CSGALNACT1: variants seen among roughly 807,000 people sequenced by gnomAD.
CSGALNACT1 encodes the protein beta4GalNAcT-1.
In CSGALNACT1, 52 loss-of-function variants were observed where a neutral mutation model predicts 51.0. The observed-to-expected ratio is 1.02, with a 90% CI of 0.82 to 1.29. CSGALNACT1 has a LOEUF of 1.29. Among genes scored for constraint, CSGALNACT1 ranks in the 50% most tolerant of loss-of-function variants. The probability of loss-of-function intolerance (pLI) is 0.00; values close to 1 mark genes in which losing one functional copy is unlikely to be tolerated. For missense variants in CSGALNACT1, 935 were observed against 679.2 expected (o/e 1.38, Z -4.19); for synonymous variants, 341 against 254.4 (o/e 1.34, Z -3.24).
intron 1 of CSGALNACT1, among the ~76,000 whole-genome samples, chr8:19,752,195 A>ATAAGT (rs1199145987): frequency 6.7e-6 from 1 of 148,410 alleles, no homozygotes; most frequent in African/African-American, 2.4e-5. Context: ...TATAATATAT[A>ATAAGT]CTATATATCT....
intron 3 of CSGALNACT1, among the ~76,000 whole-genome samples, chr8:19,546,885 G>C (rs926848566): frequency 6.6e-6 from 1 of 152,144 alleles, no homozygotes; most frequent in Non-Finnish European, 1.5e-5. Context: ...TAAGGTTCAG[G>C]GTGCAGAATG....
chr8:19,490,633 T>C (rs549962783), intron 4 of CSGALNACT1, among the ~76,000 whole-genome samples: 1 of 152,268 alleles, frequency 6.6e-6, no homozygotes, highest in African/African-American at 2.4e-5. Flanking sequence ...GCTGATTGGT[T>C]CTCTCCAGCT....
At chr8:19,420,776 C>G (rs533586815) in intron 6 of CSGALNACT1, among the ~76,000 whole-genome samples, 1 of 152,208 alleles carries the variant, frequency 6.6e-6, no homozygotes. Flanking sequence ...ATTGAAAACA[C>G]TCTTGTCATC....
At chr8:19,676,084 T>TAAAAAAAAAAAAAA (rs148674039) in intron 1 of CSGALNACT1, among the ~76,000 whole-genome samples, 19 of 106,220 alleles carry the variant, frequency 1.8e-4, no homozygotes, top group African/African-American at 5.9e-4. Context: ...TTGTCTGATT[T>TAAAAAAAAAAAAAA]AAAAAACAAA....
intron 4 of CSGALNACT1, among the ~76,000 whole-genome samples, chr8:19,484,673 G>A (rs1042487025): frequency 6.6e-6 from 1 of 152,320 alleles, no homozygotes; most frequent in East Asian, 1.9e-4. Context: ...GTGGGCTGAA[G>A]TGTGTCTCCC....
chr8:19,525,988 G>T (rs567043857), intron 3 of CSGALNACT1, among the ~76,000 whole-genome samples: 1 of 152,134 alleles, frequency 6.6e-6, no homozygotes, highest in South Asian at 2.1e-4. Flanking sequence ...TATCATATGT[G>T]CAAGAATGGG....
At position 19,457,416 on chromosome 8, in the gene CSGALNACT1, T is replaced by G. The variant is rs1035096460; in HGVS notation, c.851+1010A>C. The G allele has an allele frequency of 3.1e-5, 11 of 358,614 alleles. No homozygotes were observed. In the Admixed American group the frequency reaches 4.1e-4, roughly 13 times the overall value. The allele number at this position is 358,614 out of a possible 1,614,324, so 22.2% of individuals were successfully genotyped here. On this transcript the variant is annotated intron_variant, in intron 5 of 9. Transcript: ENST00000454498. Reference sequence around the variant, plus strand: ...TCACCTGAGATCAGGAGTTCAAGACTAGCCCGGCCAAAATGGCGAAACCCG... The same window carrying G: ...TCACCTGAGATCAGGAGTTCAAGACGAGCCCGGCCAAAATGGCGAAACCCG...
intron 2 of CSGALNACT1, among the ~76,000 whole-genome samples, chr8:19,598,180 C>G (rs7836415): frequency 7.9e-5 from 12 of 152,146 alleles, no homozygotes; most frequent in African/African-American, 2.7e-4. Flanking sequence ...GAGCTCAAAA[C>G]AGAATGGGAA....
chr8:19,435,880 A>G (rs1446589305), intron 6 of CSGALNACT1, among the ~76,000 whole-genome samples: 2 of 151,762 alleles, frequency 1.3e-5, no homozygotes, highest in East Asian at 3.9e-4. Context: ...CTTATGCAGC[A>G]CACACACACA....
intron 3 of CSGALNACT1, among the ~76,000 whole-genome samples, chr8:19,507,074 G>C (rs17128528): frequency 0.052 from 7,871 of 152,204 alleles, 301 homozygotes; most frequent in Non-Finnish European, 0.07. Flanking sequence ...GCACCCAGAG[G>C]TTCAAATATA....
intron 3 of CSGALNACT1, among the ~76,000 whole-genome samples, chr8:19,580,164 G>A (rs1454025633): frequency 2.0e-5 from 3 of 152,206 alleles, no homozygotes; most frequent in East Asian, 3.8e-4. Context: ...ATGAGGAGCT[G>A]AAAAATGAAA....
intron 3 of CSGALNACT1, among the ~76,000 whole-genome samples, chr8:19,523,521 TG>T (rs1297321483): frequency 6.6e-6 from 1 of 152,082 alleles, no homozygotes; most frequent in African/African-American, 2.4e-5. Flanking sequence ...CCACCCACCT[TG>T]GCCTCCCAAA....
chr8:19,513,434 C>CTATATATATATATATATATATA (rs1353825526), intron 3 of CSGALNACT1, among the ~76,000 whole-genome samples: 7 of 66,564 alleles, frequency 1.1e-4, no homozygotes, highest in Admixed American at 1.9e-4. Flanking sequence ...CTCTCTCTCT[C>CTATATATATATATATATATATA]TCTATATATA....
At chr8:19,613,290 T>A (rs554349917) in intron 1 of CSGALNACT1, among the ~76,000 whole-genome samples, 2 of 152,230 alleles carry the variant, frequency 1.3e-5, no homozygotes, top group Non-Finnish European at 1.5e-5. Flanking sequence ...TATTTAGTGC[T>A]TTGTTTTTAT....
chr8:19,556,099 C>A (rs145734793), intron 3 of CSGALNACT1, among the ~76,000 whole-genome samples: 2 of 152,048 alleles, frequency 1.3e-5, no homozygotes, highest in Non-Finnish European at 2.9e-5. Context: ...TGATTTTGGC[C>A]GGGCAGGGTG....
chr8:19,671,427 T>C (rs1290265302), intron 1 of CSGALNACT1, among the ~76,000 whole-genome samples: 1 of 152,130 alleles, frequency 6.6e-6, no homozygotes, highest in Non-Finnish European at 1.5e-5. Context: ...TTATGGAAAA[T>C]ATGGAAAACC....
intron 8 of CSGALNACT1, among the ~76,000 whole-genome samples, chr8:19,417,362 C>A (rs941334667): frequency 6.6e-6 from 1 of 152,072 alleles, no homozygotes; most frequent in South Asian, 2.1e-4. Flanking sequence ...ACCTGAGGGC[C>A]CCAAAGTTGA....
chr8:19,674,400 G>C (rs1243060787), intron 1 of CSGALNACT1, among the ~76,000 whole-genome samples: 1 of 152,172 alleles, frequency 6.6e-6, no homozygotes, highest in African/African-American at 2.4e-5. Flanking sequence ...GAAGTTGAGT[G>C]AGAGATAATC....
rs562959282 is a variant in CSGALNACT1 at position 19,596,408 on chromosome 8, T to C, written c.-415-5130A>G. On this transcript the variant is annotated intron_variant, in intron 2 of 9. Coordinates refer to ENST00000454498, the Ensembl canonical transcript of CSGALNACT1. ...AACAATCAAATCAAACCCTGGAGTG[T>C]GTCACGCCCTCTGCTTGTGACAGAA... Among the ~76,000 whole-genome samples, 32 of 152,238 alleles carry C rather than the reference T, an allele frequency of 2.1e-4. No homozygotes were observed. In the South Asian group the frequency reaches 5.0e-3, roughly 24 times the overall value.
Sources: allele counts gnomAD v4.1 joint callset (sites outside exome capture counted in the v4.1 genomes callset), GRCh38; gene constraint gnomAD v4.1.1; transcripts MANE v1.5; gene names NCBI Gene and HGNC (gene_info 2026-07-23, HGNC 2026-07-21).